The following ADCY8 variants were observed in gnomAD, a reference collection of about 807,000 sequenced individuals.
The protein encoded by ADCY8 is adenylate cyclase type 8.
In ADCY8, 51 loss-of-function variants were observed where a neutral mutation model predicts 119.7. The observed-to-expected ratio is 0.43, with a 90% CI of 0.34 to 0.54. ADCY8 has a LOEUF of 0.54. Among genes scored for constraint, ADCY8 ranks in the 20% least tolerant of loss-of-function variants. ADCY8 has a pLI of 0.03. For synonymous variants in ADCY8, 665 were observed against 651.0 expected, an observed-to-expected ratio of 1.02 and a Z score of -0.33; for missense variants, 1,383 against 1,598.8, an observed-to-expected ratio of 0.87 and a Z score of 2.30.
chr8:130,868,485 G>A (rs1374942114), intron 8 of ADCY8, among the ~76,000 whole-genome samples: 3 of 152,206 alleles, frequency 2.0e-5, no homozygotes, highest in Non-Finnish European at 4.4e-5. Flanking sequence ...TATGCTTGAT[G>A]CCCTTCGTGT....
intron 2 of ADCY8, among the ~76,000 whole-genome samples, chr8:130,960,742 G>A (rs1821576646): frequency 6.6e-6 from 1 of 152,022 alleles, no homozygotes; most frequent in Admixed American, 6.6e-5. Context: ...GGGGAAAGGG[G>A]AGATTCTATC....
At chr8:130,990,683 G>T in intron 1 of ADCY8, 141 bp from the exon 2 acceptor site, 3 of 1,072,280 alleles carry the variant, frequency 2.8e-6, no homozygotes, top group Non-Finnish European at 3.9e-6. Context: ...GTAGAGCTAT[G>T]CCCTTCATTC....
At chr8:130,793,455 CTCTG>C (rs1815485308) in intron 15 of ADCY8, among the ~76,000 whole-genome samples, 2 of 152,318 alleles carry the variant, frequency 1.3e-5, no homozygotes, top group African/African-American at 4.8e-5. Flanking sequence ...CCGAATGTAT[CTCTG>C]TCTATTGTAC....
chr8:130,783,897 C>T, intron 16 of ADCY8, 92 bp from the exon 17 acceptor site: 4 of 903,962 alleles, frequency 4.4e-6, no homozygotes, highest in South Asian at 1.6e-5. Context: ...CCTAACCCAA[C>T]CCTACCTGCA....
At chr8:130,995,856 C>T (rs757375312) in intron 1 of ADCY8, among the ~76,000 whole-genome samples, 2 of 152,024 alleles carry the variant, frequency 1.3e-5, no homozygotes, top group East Asian at 1.9e-4. Flanking sequence ...GCCTATCTGC[C>T]GCACTGGATT....
Position 131,010,463 on chromosome 8 carries a change from C to T in ADCY8, c.961-19921G>A, listed in dbSNP as rs184385964. Among the ~76,000 whole-genome samples the T allele has an allele frequency of 4.6e-5, 7 of 152,186 alleles. No homozygotes were observed. In the East Asian group the frequency reaches 1.4e-3, roughly 29 times the overall value. On this transcript the variant is annotated intron_variant, in intron 1 of 17. Coordinates refer to ENST00000286355, the MANE Select transcript of ADCY8 (RefSeq NM_001115.3). ...ATATTATAATGCAGTGGAATGTTCA[C>T]ATCTGTGTCTTTAGTTTGTATGCCA...
chr8:130,800,652 G>GT, intron 14 of ADCY8, 80 bp from the exon 15 acceptor site: 7 of 1,466,402 alleles, frequency 4.8e-6, no homozygotes, highest in Non-Finnish European at 6.6e-6. Flanking sequence ...GCACACATGT[G>GT]GGTACACACG....
intron 8 of ADCY8, among the ~76,000 whole-genome samples, chr8:130,868,614 C>T (rs1460887199): frequency 6.6e-6 from 1 of 152,128 alleles, no homozygotes; most frequent in East Asian, 1.9e-4. Context: ...GTGTATTTGC[C>T]TTACTTCTGC....
intron 7 of ADCY8, among the ~76,000 whole-genome samples, chr8:130,888,615 C>G (rs1433022272): frequency 6.6e-6 from 1 of 152,054 alleles, no homozygotes; most frequent in African/African-American, 2.4e-5. Context: ...AAATGAGAAC[C>G]AGAGTTCCTT....
Position 131,040,200 on chromosome 8 carries a change from A to T in ADCY8, c.134T>A (p.Ile45Asn), listed in dbSNP as rs758211642. 3.3e-6 allele frequency: 5 copies of T among 1,536,262 alleles called. No homozygotes were observed. The highest frequency in any genetic ancestry group is 4.4e-6 in the Non-Finnish European group (5 of 1,147,592). Residue 45 changes from isoleucine to asparagine, a missense_variant, in exon 1 of 18, where the codon ATC becomes AAC. Around this residue, in one of 2 missense-constraint regions of ADCY8, gnomAD observed 455 missense variants for 435.3 expected, o/e 1.05. Coordinates refer to ENST00000286355, the MANE Select transcript of ADCY8 (RefSeq NM_001115.3). ...CCCGTGAATGAAGCGCTGCTCCGTGATGTGTCGCACCGCCGTCTGCCACAG... is the reference window on the plus strand; with the variant it reads ...CCCGTGAATGAAGCGCTGCTCCGTGTTGTGTCGCACCGCCGTCTGCCACAG... ...RLLWQTAVRH[I>N]TEQRFIHGHR...
At chr8:131,004,176 A>G (rs1362936711) in intron 1 of ADCY8, among the ~76,000 whole-genome samples, 1 of 152,184 alleles carries the variant, frequency 6.6e-6, no homozygotes, top group Admixed American at 6.5e-5. Flanking sequence ...GATTAGGTTT[A>G]CACGAGCAAA....
At chr8:130,958,406 T>C (rs969007977) in intron 2 of ADCY8, among the ~76,000 whole-genome samples, 2 of 152,160 alleles carry the variant, frequency 1.3e-5, no homozygotes, top group African/African-American at 4.8e-5. Flanking sequence ...CATATCTCAG[T>C]GGTCACATGC....
At chr8:130,813,630 G>A (rs530697047) in intron 14 of ADCY8, among the ~76,000 whole-genome samples, 24 of 151,860 alleles carry the variant, frequency 1.6e-4, no homozygotes, top group East Asian at 3.9e-4. Context: ...TTATCTATTC[G>A]TCCATCAGTG....
intron 7 of ADCY8, among the ~76,000 whole-genome samples, chr8:130,898,773 C>T (rs963661218): frequency 6.6e-6 from 1 of 152,184 alleles, no homozygotes; most frequent in African/African-American, 2.4e-5. Flanking sequence ...ATCCTACACA[C>T]AATACATTTT....
chr8:130,850,912 T>A (rs1817504727), intron 9 of ADCY8, among the ~76,000 whole-genome samples: 1 of 152,214 alleles, frequency 6.6e-6, no homozygotes, highest in Admixed American at 6.5e-5. Flanking sequence ...TAATATCTAA[T>A]TTCCATTCCT....
intron 1 of ADCY8, among the ~76,000 whole-genome samples, chr8:131,015,712 T>G (rs548709403): frequency 2.0e-5 from 3 of 152,282 alleles, no homozygotes; most frequent in African/African-American, 7.2e-5. Context: ...AATTATCTTA[T>G]TTTTTATAAT....
chr8:131,021,238 G>T (rs1489603254), intron 1 of ADCY8, among the ~76,000 whole-genome samples: 1 of 152,112 alleles, frequency 6.6e-6, no homozygotes, highest in Non-Finnish European at 1.5e-5. Flanking sequence ...TCTAGGGCTG[G>T]CATGGTGCCT....
At chr8:130,913,201 A>G (rs556504667) in intron 5 of ADCY8, among the ~76,000 whole-genome samples, 4 of 152,230 alleles carry the variant, frequency 2.6e-5, no homozygotes, top group East Asian at 1.9e-4. Flanking sequence ...AAACAATCCA[A>G]TTACACTCTT....
At chr8:130,987,958 T>C (rs563287273) in intron 2 of ADCY8, among the ~76,000 whole-genome samples, 1 of 152,292 alleles carries the variant, frequency 6.6e-6, no homozygotes, top group South Asian at 2.1e-4. Flanking sequence ...TTACACACAA[T>C]AATGCTAATA....
Sources: gnomAD v4.1 joint callset for allele counts (sites outside exome capture counted in the v4.1 genomes callset) on GRCh38, gnomAD v4.1.1 for gene constraint, gnomAD v4.1.1 regional missense constraint, MANE v1.5 for transcripts, NCBI Gene and HGNC (gene_info 2026-07-23, HGNC 2026-07-21) for gene names.